ERBIN: variants seen among roughly 807,000 people sequenced by gnomAD.
The protein encoded by ERBIN is erbb2 interacting protein.
In ERBIN, 60 loss-of-function variants were observed where a neutral mutation model predicts 158.4. The ratio of observed to expected loss-of-function variants is 0.38; its 90% CI spans 0.31 to 0.47. The LOEUF (loss-of-function observed/expected upper bound fraction) is 0.47, where lower values mean the gene tolerates loss of function less well. Among genes scored for constraint, ERBIN ranks in the 20% least tolerant of loss-of-function variants. ERBIN has a pLI of 0.99. For missense variants in ERBIN, 1,610 were observed against 1,648.0 expected, an observed-to-expected ratio of 0.98 and a Z score of 0.40; for synonymous variants, 594 against 557.2, an observed-to-expected ratio of 1.07 and a Z score of -0.93.
At position 65,981,654 on chromosome 5, in the gene ERBIN, A is replaced by C. The variant is rs565655191; in HGVS notation, c.-57-6981A>C. On this transcript the variant is annotated intron_variant, in intron 1 of 25. Transcript: ENST00000284037. ...TGTTTTAGTTATTTTTAAACAACAA[A>C]AAAAAAACAATTGTTTTAGGTATCT... is the stretch of plus-strand genomic sequence containing the variant. Among the ~76,000 whole-genome samples the C allele has an allele frequency of 4.0e-4, 60 of 150,588 alleles. No homozygotes were observed. In the South Asian group the frequency reaches 4.6e-3, roughly 11 times the overall value.
At chr5:66,026,483 A>C in intron 13 of ERBIN, 66 bp downstream of exon 13, 3 of 791,948 alleles carry the variant, frequency 3.8e-6, no homozygotes, top group Non-Finnish European at 5.9e-6. Context: ...TAAGTTTCAT[A>C]TGATATATAA....
rs56330910 is a variant in ERBIN, at chr5:66,054,578, A to G, written c.3260A>G (p.Asn1087Ser). Residue 1087 changes from asparagine (N) to serine (S), a missense_variant, in exon 21 of 26, where the codon AAT (asparagine) becomes AGT (serine). Transcript: ENST00000284037. ...QSSVSSTASV[N>S]LGDPGSTRRA... ...AGTGTGTCCTCCACAGCCTCTGTAA[A>G]TCTTGGTGATCCAGGCTCTACAAGG... The G allele has an allele frequency of 3.7e-4, 590 of 1,614,138 alleles. 6 individuals are homozygous for G. The East Asian group carries it at 0.012, about 34-fold the overall frequency.
chr5:65,977,011 C>T (rs1222273356), intron 1 of ERBIN, among the ~76,000 whole-genome samples: 5 of 152,206 alleles, frequency 3.3e-5, no homozygotes, highest in African/African-American at 4.8e-5. Flanking sequence ...CATCATGGCC[C>T]GTTCTCAATG....
At chr5:66,021,271 C>A in intron 7 of ERBIN, 51 bp from the exon 8 acceptor site, 1 of 1,176,344 alleles carries the variant, frequency 8.5e-7, no homozygotes, top group Non-Finnish European at 1.2e-6. Context: ...TGAAAGCTTC[C>A]ATGTAATTGA....
intron 22 of ERBIN, among the ~76,000 whole-genome samples, chr5:66,074,441 CAT>C (rs1327935896): frequency 1.3e-5 from 2 of 152,066 alleles, no homozygotes; most frequent in African/African-American, 4.8e-5. Flanking sequence ...ACGTTGCTAA[CAT>C]ACACACAAGG....
chr5:65,999,002 T>C (rs1487073034), intron 4 of ERBIN, among the ~76,000 whole-genome samples: 1 of 152,200 alleles, frequency 6.6e-6, no homozygotes, highest in Admixed American at 6.5e-5. Flanking sequence ...TACATTTGTC[T>C]TACTTTTCTT....
chr5:65,964,906 ATTTGTGTG>A (rs1287967375), intron 1 of ERBIN, among the ~76,000 whole-genome samples: 1 of 67,058 alleles, frequency 1.5e-5, no homozygotes, highest in African/African-American at 8.2e-5. Flanking sequence ...CGCCTGGCTG[ATTTGTGTG>A]TGTGTGTGTG....
chr5:66,053,342 A>G lies in ERBIN; in HGVS notation c.2088-64A>G, dbSNP rs538831861. ...GTCTACCTACACAATTTATTTATTA[A>G]TGTTCCCTGTTACTAAGAAAACTCG... On this transcript the variant is annotated intron_variant, in intron 20 of 25. Transcript: ENST00000284037. The G allele has an allele frequency of 7.2e-6, 7 of 966,814 alleles. No homozygotes were observed. The South Asian group carries it at 1.7e-4, about 23-fold the overall frequency. The allele number at this position is 966,814 out of a possible 1,614,324, so 59.9% of individuals were successfully genotyped here. A position where few individuals can be genotyped will look rare whatever the true frequency, so the allele number is the denominator to read the frequency against.
chr5:65,941,361 ATTAT>A (rs1745017118), intron 1 of ERBIN, among the ~76,000 whole-genome samples: 1 of 150,098 alleles, frequency 6.7e-6, no homozygotes, highest in African/African-American at 2.4e-5. Flanking sequence ...CAATATAGCA[ATTAT>A]TTATGTAGCA....
chr5:66,066,068 C>G (rs1375451214), intron 21 of ERBIN, among the ~76,000 whole-genome samples: 2 of 152,014 alleles, frequency 1.3e-5, no homozygotes, highest in East Asian at 1.9e-4. Flanking sequence ...TTCCTATGTT[C>G]AAAACATTCT....
intron 1 of ERBIN, among the ~76,000 whole-genome samples, chr5:65,947,955 C>T (rs1000562979): frequency 1.3e-5 from 2 of 148,700 alleles, no homozygotes; most frequent in African/African-American, 5.0e-5. Flanking sequence ...TGCAGTGAGC[C>T]GTGATAATGC....
chr5:65,954,149 T>C (rs139904622), intron 1 of ERBIN, among the ~76,000 whole-genome samples: 221 of 152,262 alleles, frequency 1.5e-3, no homozygotes, highest in African/African-American at 5.2e-3. Context: ...ATTGAGACGA[T>C]ATATTAAAAG....
At chr5:65,963,300 A>G (rs1281161132) in intron 1 of ERBIN, among the ~76,000 whole-genome samples, 1 of 152,190 alleles carries the variant, frequency 6.6e-6, no homozygotes, top group African/African-American at 2.4e-5. Flanking sequence ...TAAATTGGCA[A>G]CTTTGAGGTA....
intron 25 of ERBIN, among the ~76,000 whole-genome samples, chr5:66,077,552 GA>G (rs1285857156): frequency 1.3e-5 from 2 of 152,016 alleles, no homozygotes; most frequent in East Asian, 3.9e-4. Flanking sequence ...CAGACTGCCT[GA>G]GTTTAAATTC....
At chr5:65,978,685 G>C (rs1272907512) in intron 1 of ERBIN, among the ~76,000 whole-genome samples, 1 of 152,248 alleles carries the variant, frequency 6.6e-6, no homozygotes, top group Non-Finnish European at 1.5e-5. Context: ...TTGAATGACA[G>C]TGTGGGCTTT....
intron 18 of ERBIN, among the ~76,000 whole-genome samples, chr5:66,047,296 A>AT (rs1758541012): frequency 1.3e-5 from 2 of 152,132 alleles, no homozygotes; most frequent in African/African-American, 4.8e-5. Context: ...GTTATAGCAT[A>AT]TATCAACACA....
chr5:66,034,059 A>T (rs918088521), intron 14 of ERBIN, among the ~76,000 whole-genome samples: 4 of 151,260 alleles, frequency 2.6e-5, no homozygotes, highest in Non-Finnish European at 4.4e-5. Flanking sequence ...CAGTGAGCCG[A>T]GATCACTCCA....
At chr5:65,933,729 C>T (rs1423664927) in intron 1 of ERBIN, among the ~76,000 whole-genome samples, 4 of 152,018 alleles carry the variant, frequency 2.6e-5, no homozygotes, top group Non-Finnish European at 4.4e-5. Context: ...TTATAAATTC[C>T]GTTCTGTTCT....
chr5:66,040,182 T>C (rs1187054700), intron 15 of ERBIN, among the ~76,000 whole-genome samples: 1 of 151,946 alleles, frequency 6.6e-6, no homozygotes, highest in African/African-American at 2.4e-5. Context: ...TTATCATTAG[T>C]TGCTTCTCAC....
Sources: allele counts gnomAD v4.1 joint callset (sites outside exome capture counted in the v4.1 genomes callset), GRCh38; gene constraint gnomAD v4.1.1; transcripts MANE v1.5; gene names NCBI Gene and HGNC (gene_info 2026-07-23, HGNC 2026-07-21).